Variants in CCDC171 observed in about 807,000 individuals in gnomAD.
CCDC171 encodes coiled-coil domain-containing protein 171.
Under a neutral mutation model 168.2 loss-of-function variants are expected in CCDC171, and 177 were observed. The ratio of observed to expected loss-of-function variants is 1.05; its 90% CI spans 0.93 to 1.19. The LOEUF (loss-of-function observed/expected upper bound fraction) is 1.19. CCDC171 is among the 50% of genes most tolerant of loss of function. The probability of loss-of-function intolerance (pLI) is 0.00; values close to 1 mark genes in which losing one functional copy is unlikely to be tolerated. For synonymous variants in CCDC171, 687 were observed against 540.8 expected, an observed-to-expected ratio of 1.27 and a Z score of -3.75; for missense variants, 1,991 against 1,539.0, an observed-to-expected ratio of 1.29 and a Z score of -4.91.
At chr9:15,908,774 G>A (rs1823149373) in intron 24 of CCDC171, among the ~76,000 whole-genome samples, 1 of 152,150 alleles carries the variant, frequency 6.6e-6, no homozygotes, top group Non-Finnish European at 1.5e-5. Flanking sequence ...AAGGTGAATG[G>A]GGAGCAGGCA....
intron 3 of CCDC171, among the ~76,000 whole-genome samples, chr9:15,998,143 G>A (rs990533122): frequency 2.6e-5 from 4 of 152,164 alleles, no homozygotes; most frequent in Non-Finnish European, 4.4e-5. Flanking sequence ...TCAGAATGAT[G>A]ACAAATGGAG....
chr9:15,644,534 A>T (rs13301516), intron 7 of CCDC171, among the ~76,000 whole-genome samples: 68,853 of 151,898 alleles, frequency 0.45, 15,899 homozygotes, highest in Non-Finnish European at 0.51. Context: ...AAATCGGGTC[A>T]CTCCCACCCT....
chr9:15,822,682 ACAG>A (rs1279998846), intron 21 of CCDC171, among the ~76,000 whole-genome samples: 1 of 152,144 alleles, frequency 6.6e-6, no homozygotes, highest in East Asian at 1.9e-4. Flanking sequence ...AAGTCAGGAA[ACAG>A]CAGGTGCTGG....
At chr9:16,057,766 A>C (rs1299859769) in intron 1 of CCDC171, among the ~76,000 whole-genome samples, 1 of 152,064 alleles carries the variant, frequency 6.6e-6, no homozygotes, top group Non-Finnish European at 1.5e-5. Flanking sequence ...GTTTAGAGAG[A>C]TTTATAAAGG....
downstream of CCDC171, chr9:16,061,752 C>T (rs1188037881): frequency 1.3e-5 from 2 of 152,184 alleles, no homozygotes; most frequent in Non-Finnish European, 2.9e-5. Context: ...CCATACTTTT[C>T]ATCTCCATTT....
At chr9:16,063,910 T>A (rs757793085), downstream of CCDC171, among the ~76,000 whole-genome samples, 1 of 152,170 alleles carries the variant, frequency 6.6e-6, no homozygotes, top group Non-Finnish European at 1.5e-5. Context: ...GCAGAGACCT[T>A]CTTATTGTTC....
chr9:15,606,442 C>T (rs2043233437), intron 6 of CCDC171, among the ~76,000 whole-genome samples: 1 of 152,132 alleles, frequency 6.6e-6, no homozygotes, highest in African/African-American at 2.4e-5. Context: ...AGTTTATGCT[C>T]TATAGCAACA....
At chr9:15,942,730 A>G (rs12684808) in intron 25 of CCDC171, among the ~76,000 whole-genome samples, 7,466 of 151,992 alleles carry the variant, frequency 0.049, 380 homozygotes, top group South Asian at 0.12. Flanking sequence ...TAATTTCTGC[A>G]ACAGATTGTC....
chr9:15,557,807 T>G (rs1586938462), intron 1 of CCDC171, among the ~76,000 whole-genome samples: 1 of 152,148 alleles, frequency 6.6e-6, no homozygotes, highest in Non-Finnish European at 1.5e-5. Flanking sequence ...GGCATCCCTG[T>G]CTTGTGCCAG....
the CCDC171 span, among the ~76,000 whole-genome samples, chr9:16,095,869 CATATATATATATAT>C: frequency 5.7e-5 from 7 of 123,844 alleles, no homozygotes; most frequent in Admixed American, 1.7e-4. Context: ...CACATAGGCA[CATATATATATATAT>C]ATATATATAT....
At chr9:15,669,307 T>A (rs1233115090) in intron 9 of CCDC171, among the ~76,000 whole-genome samples, 1 of 152,198 alleles carries the variant, frequency 6.6e-6, no homozygotes, top group Non-Finnish European at 1.5e-5. Flanking sequence ...AATAATCTTT[T>A]GTTTTCTTTT....
the CCDC171 span, among the ~76,000 whole-genome samples, chr9:16,069,124 A>G: frequency 6.6e-6 from 1 of 152,204 alleles, no homozygotes; most frequent in Non-Finnish European, 1.5e-5. Context: ...GCCTTGGTAT[A>G]CACTTTTATT....
the CCDC171 span, among the ~76,000 whole-genome samples, chr9:16,079,804 G>T: frequency 1.3e-5 from 2 of 151,444 alleles, no homozygotes; most frequent in Non-Finnish European, 2.9e-5. Context: ...GACTAGCAGA[G>T]ACTTACACAA....
intron 25 of CCDC171, among the ~76,000 whole-genome samples, chr9:15,967,188 C>G (rs908878506): frequency 2.6e-5 from 4 of 152,132 alleles, no homozygotes; most frequent in Non-Finnish European, 2.9e-5. Flanking sequence ...TATTGAGACT[C>G]TGGTAAGAGC....
At chr9:15,761,046 G>A (rs569448260) in intron 18 of CCDC171, among the ~76,000 whole-genome samples, 10 of 152,274 alleles carry the variant, frequency 6.6e-5, no homozygotes, top group Admixed American at 3.3e-4. Flanking sequence ...ATGACTGGTC[G>A]AGACTAAAAT....
intron 25 of CCDC171, among the ~76,000 whole-genome samples, chr9:15,943,353 T>C (rs1827937122): frequency 6.6e-6 from 1 of 151,992 alleles, no homozygotes. Flanking sequence ...ACATATAGGG[T>C]ACATTAGACA....
intron 3 of CCDC171, among the ~76,000 whole-genome samples, chr9:16,008,745 C>T (rs1832778115): frequency 6.6e-6 from 1 of 152,192 alleles, no homozygotes; most frequent in African/African-American, 2.4e-5. Flanking sequence ...TAACATCTAA[C>T]ACCATTTATT....
chr9:15,617,409 C>T lies in CCDC171; in HGVS notation c.676-5858C>T, dbSNP rs185242913. On this transcript the variant is annotated intron_variant, in intron 6 of 25. Transcript: ENST00000380701. ...TTTTTTTTTTTGAGATGGAGTCTTG[C>T]GCTGTCACCCAGGCTGGAATGCAGT... Among the ~76,000 whole-genome samples, 4 of 144,782 alleles carry T rather than the reference C, an allele frequency of 2.8e-5. No homozygotes were observed. The South Asian group carries it at 6.5e-4, about 24-fold the overall frequency. 95.0% of individuals were successfully genotyped at this position (144,782 alleles called of 152,430 possible). A position where few individuals can be genotyped will look rare whatever the true frequency, so the allele number is the denominator to read the frequency against.
intron 6 of CCDC171, among the ~76,000 whole-genome samples, chr9:15,608,967 A>C (rs1237484571): frequency 6.7e-6 from 1 of 149,166 alleles, no homozygotes; most frequent in Admixed American, 6.7e-5. Flanking sequence ...AAAAAAAAAA[A>C]AAAAAGAGTG....
Sources: gnomAD v4.1 joint callset for allele counts (sites outside exome capture counted in the v4.1 genomes callset) on GRCh38, gnomAD v4.1.1 for gene constraint, MANE v1.5 for transcripts, NCBI Gene and HGNC (gene_info 2026-07-23, HGNC 2026-07-21) for gene names.